The following ITGAE variants were observed in gnomAD, a reference collection of about 807,000 sequenced individuals.
The protein encoded by ITGAE is integrin subunit alpha E.
Under a neutral mutation model 136.5 loss-of-function variants are expected in ITGAE, and 99 were observed. The observed-to-expected ratio is 0.73, with a 90% CI of 0.62 to 0.86. The LOEUF (loss-of-function observed/expected upper bound fraction) is 0.86. Ranked by LOEUF, ITGAE falls within the 40% of genes least tolerant of loss-of-function variation. ITGAE has a pLI of 0.00. For synonymous variants in ITGAE, 613 were observed against 591.8 expected, an observed-to-expected ratio of 1.04 and a Z score of -0.52; for missense variants, 1,447 against 1,515.3, an observed-to-expected ratio of 0.95 and a Z score of 0.75.
chr17:3,780,652 C>T (rs988314997), intron 1 of ITGAE, among the ~76,000 whole-genome samples: 3 of 152,042 alleles, frequency 2.0e-5, no homozygotes, highest in Non-Finnish European at 2.9e-5. Context: ...AAGCTGGTCT[C>T]GAACTCCCGA....
At chr17:3,761,256 CT>C in intron 5 of ITGAE, 79 bp from the exon 6 acceptor site, 3 of 1,560,932 alleles carry the variant, frequency 1.9e-6, no homozygotes, top group Non-Finnish European at 2.6e-6. Flanking sequence ...TGGTTCTGCC[CT>C]GATTCCTTTC....
intron 1 of ITGAE, among the ~76,000 whole-genome samples, chr17:3,789,244 C>A (rs766758368): frequency 6.6e-6 from 1 of 151,470 alleles, no homozygotes; most frequent in Non-Finnish European, 1.5e-5. Flanking sequence ...AAGACTGTCT[C>A]CAAAAAAAAG....
At chr17:3,726,403 C>T (rs1441482764) in intron 26 of ITGAE, 7 of 1,082,422 alleles carry the variant, frequency 6.5e-6, no homozygotes, top group South Asian at 4.6e-5. Flanking sequence ...TTTCAACCTC[C>T]ATCCCCACAG....
At position 3,799,273 on chromosome 17, in the gene ITGAE, C is replaced by T. The variant is rs553747272; in HGVS notation, c.34+1838G>A. On this transcript the variant is annotated intron_variant, in intron 1 of 30. Transcript: ENST00000263087. The surrounding 1 kb of genome is among the most constrained non-coding windows in gnomAD (Gnocchi z 4.1). ...GAGCAGAACTGCAGCAGCCTCGTTT[C>T]CGCCACCCACACCGGAGCTGCGGGG... Among the ~76,000 whole-genome samples the T allele has an allele frequency of 9.9e-5, 15 of 152,188 alleles. No homozygotes were observed. Among genetic ancestry groups the T allele is most frequent in the Non-Finnish European group, 1.9e-4 (13 of 68,026 alleles).
At chr17:3,753,622 C>T (rs2051926293) in intron 13 of ITGAE, among the ~76,000 whole-genome samples, 161 bp downstream of exon 13, 1 of 152,230 alleles carries the variant, frequency 6.6e-6, no homozygotes, top group Non-Finnish European at 1.5e-5. Flanking sequence ...AGCAATCAGA[C>T]ATGCAGAGCT....
intron 20 of ITGAE, among the ~76,000 whole-genome samples, chr17:3,738,537 G>C (rs1372657496): frequency 6.6e-6 from 1 of 152,160 alleles, no homozygotes; most frequent in African/African-American, 2.4e-5. Context: ...TGTCATTCTG[G>C]AATTCAGTGT....
At chr17:3,727,672 T>G (rs1407531735) in intron 26 of ITGAE, among the ~76,000 whole-genome samples, 1 of 152,190 alleles carries the variant, frequency 6.6e-6, no homozygotes, top group Non-Finnish European at 1.5e-5. Context: ...GTGCTGGGAT[T>G]ACAGGTGTGA....
chr17:3,731,122 A>T lies in ITGAE; in HGVS notation c.2816T>A (p.Ile939Asn). The T allele has an allele frequency of 1.2e-6, 2 of 1,613,446 alleles. No individual in the cohort carries two copies. Among genetic ancestry groups the T allele is most frequent in the Non-Finnish European group, 1.7e-6 (2 of 1,179,568 alleles). ...ENAFPNRTAD[I>N]TVTVTNSNER... ...TACTTACTTGGTGACAGTCACAGTG[A>T]TGTCTGCTGTCCTGTTTGGAAAGGC... Residue 939 changes from isoleucine (I) to asparagine (N), a missense_variant, in exon 23 of 31, where the codon ATC becomes AAC. Ile to Asn is a moderately radical substitution (Grantham distance 149). Around this residue, in one of 3 missense-constraint regions of ITGAE, gnomAD observed 1,031 missense variants for 1,011.4 expected, o/e 1.02. Transcript: ENST00000263087.
intron 20 of ITGAE, among the ~76,000 whole-genome samples, chr17:3,738,391 A>G (rs1235762490): frequency 1.3e-5 from 2 of 152,080 alleles, no homozygotes; most frequent in African/African-American, 4.8e-5. Context: ...GGCTTGTCTC[A>G]AACTCCTGAC....
chr17:3,754,077 C>T, intron 12 of ITGAE, 152 bp from the exon 13 acceptor site: 1 of 836,052 alleles, frequency 1.2e-6, no homozygotes, highest in East Asian at 2.7e-5. Context: ...TAAAAATCGG[C>T]ATCAGCGAGC....
intron 28 of ITGAE, chr17:3,722,247 T>G (rs1597294930): frequency 6.6e-6 from 1 of 150,690 alleles, no homozygotes; most frequent in South Asian, 2.1e-4. Context: ...TTTGGGAGGC[T>G]GAGGCGGGCG....
intron 20 of ITGAE, 84 bp downstream of exon 20, chr17:3,739,721 G>T: frequency 8.9e-7 from 1 of 1,125,110 alleles, no homozygotes; most frequent in Non-Finnish European, 1.4e-6. Flanking sequence ...AAGGGGATGT[G>T]CAGGGTGTCC....
chr17:3,736,290 C>G (rs1224661341), intron 20 of ITGAE, among the ~76,000 whole-genome samples: 1 of 152,110 alleles, frequency 6.6e-6, no homozygotes, highest in Non-Finnish European at 1.5e-5. Flanking sequence ...GCCTGGGCAA[C>G]AAGAGTGAAA....
chr17:3,757,924 A>C, intron 8 of ITGAE, 65 bp from the exon 9 acceptor site: 2 of 1,563,066 alleles, frequency 1.3e-6, no homozygotes, highest in Non-Finnish European at 1.8e-6. Context: ...TCCAGGAGAG[A>C]CTTTATTCTC....
intron 2 of ITGAE, among the ~76,000 whole-genome samples, chr17:3,770,467 C>T (rs2052394500): frequency 6.6e-6 from 1 of 152,126 alleles, no homozygotes; most frequent in Admixed American, 6.5e-5. Context: ...CTGTCCCACC[C>T]ATACCTTCTG....
intron 1 of ITGAE, 122 bp downstream of exon 1, chr17:3,800,989 T>C: frequency 8.6e-7 from 1 of 1,161,192 alleles, no homozygotes; most frequent in Non-Finnish European, 1.3e-6. Context: ...GAGCTGCCAC[T>C]CTCTAACCTC....
Position 3,750,382 on chromosome 17 carries a change from A to G in ITGAE, c.1994T>C (p.Val665Ala), listed in dbSNP as rs1486688548. ...CACAACCGCCTGGCCCAGAGTGCCC[A>G]CGGTGATGTCGGCAAGGCCGTCGCC... ...ISGDGLADITVGTLGQAVVFR... is the reference protein window; with the variant it reads ...ISGDGLADITAGTLGQAVVFR... Residue 665 changes from valine to alanine, a missense_variant, in exon 16 of 31, where the codon GTG (valine) becomes GCG (alanine). This residue lies in a region of ITGAE where 1,031 missense variants were observed against 1,011.4 expected (regional missense o/e 1.02). Coordinates refer to ENST00000263087, the MANE Select transcript of ITGAE (RefSeq NM_002208.5). 1 of 1,614,174 alleles carries G rather than the reference A, an allele frequency of 6.2e-7. No homozygotes were observed. The highest frequency in any genetic ancestry group is 8.5e-7 in the Non-Finnish European group (1 of 1,180,032).
chr17:3,725,674 A>C (rs764401044), intron 26 of ITGAE: 1 of 1,589,906 alleles, frequency 6.3e-7, no homozygotes, highest in Non-Finnish European at 8.6e-7. Flanking sequence ...TGGGATCACT[A>C]TAATTCAACC....
chr17:3,770,712 T>C (rs939536884), intron 2 of ITGAE, among the ~76,000 whole-genome samples: 1 of 152,146 alleles, frequency 6.6e-6, no homozygotes, highest in Non-Finnish European at 1.5e-5. Flanking sequence ...CCCCAGCGTG[T>C]TCAAGCCTGG....
Sources: gnomAD v4.1 joint callset for allele counts (sites outside exome capture counted in the v4.1 genomes callset) on GRCh38, gnomAD v4.1.1 for gene constraint, gnomAD v4.1.1 regional missense constraint, Gnocchi (gnomAD v3.1) non-coding constraint, MANE v1.5 for transcripts, NCBI Gene and HGNC (gene_info 2026-07-23, HGNC 2026-07-21) for gene names.